TTC23L: variants seen among roughly 807,000 people sequenced by gnomAD.
TTC23L encodes tetratricopeptide repeat domain 23 like.
A neutral mutation model predicts 48.1 loss-of-function variants in TTC23L; 42 were observed. The ratio of observed to expected loss-of-function variants is 0.87; its 90% CI spans 0.68 to 1.13. The LOEUF (loss-of-function observed/expected upper bound fraction) is 1.13, where lower values mean the gene tolerates loss of function less well. TTC23L is among the 50% of genes most tolerant of loss of function. The pLI, the probability that TTC23L is intolerant of heterozygous loss-of-function variation, is 0.00. For synonymous variants in TTC23L, 159 were observed against 157.2 expected, an observed-to-expected ratio of 1.01 and a Z score of -0.09; for missense variants, 391 against 421.0, an observed-to-expected ratio of 0.93 and a Z score of 0.62.
the TTC23L span, chr5:34,915,511 A>C: frequency 4.2e-6 from 2 of 475,780 alleles, no homozygotes; most frequent in Non-Finnish European, 7.3e-6. Context: ...AAGTGAAGCC[A>C]GTCCCGCCAC....
chr5:34,861,388 T>C (rs1331736989), intron 4 of TTC23L: 2 of 166,462 alleles, frequency 1.2e-5, no homozygotes, highest in African/African-American at 4.8e-5. Flanking sequence ...ATTGTACTTT[T>C]GTCTCAGCTC....
the TTC23L span, chr5:34,922,662 C>G: frequency 6.2e-7 from 1 of 1,601,904 alleles, no homozygotes; most frequent in Non-Finnish European, 8.5e-7. Context: ...GCAAAAGTTA[C>G]AACTATTTTT....
the TTC23L span, chr5:34,914,066 T>C: frequency 6.6e-6 from 3 of 454,252 alleles, no homozygotes; most frequent in Admixed American, 2.4e-5. Context: ...TACCTCTCTA[T>C]CCCTGAGATC....
At chr5:34,923,177 G>A in the TTC23L span, 21 of 1,613,920 alleles carry the variant, frequency 1.3e-5, no homozygotes, top group Non-Finnish European at 1.7e-5. Context: ...AACCATTTGT[G>A]GACCACGTGT....
chr5:34,885,661 T>A (rs1762496926), intron 9 of TTC23L, among the ~76,000 whole-genome samples: 3 of 151,712 alleles, frequency 2.0e-5, no homozygotes, highest in Admixed American at 6.6e-5. Context: ...ACGTAGAGGA[T>A]CATTTGAGCC....
the TTC23L span, chr5:34,911,864 G>A: frequency 1.4e-4 from 218 of 1,568,530 alleles, no homozygotes; most frequent in Middle Eastern, 3.4e-4. Flanking sequence ...TCTGGGTTCA[G>A]CTTCTCCTCG....
chr5:34,912,432 T>A, the TTC23L span, among the ~76,000 whole-genome samples: 1 of 152,108 alleles, frequency 6.6e-6, no homozygotes, highest in African/African-American at 2.4e-5. Flanking sequence ...AGAGCCACAG[T>A]GAGGAATGGA....
At chr5:34,851,565 T>A (rs1759676708) in intron 4 of TTC23L, among the ~76,000 whole-genome samples, 1 of 152,174 alleles carries the variant, frequency 6.6e-6, no homozygotes, top group African/African-American at 2.4e-5. Context: ...ACACGTGTTG[T>A]GTTCTGAAAG....
Position 34,857,281 on chromosome 5 carries a change from C to T in TTC23L, c.380-5617C>T, listed in dbSNP as rs146701993. On this transcript the variant is annotated intron_variant, in intron 4 of 10. Coordinates refer to ENST00000505624, the Ensembl canonical transcript of TTC23L. The stretch of plus-strand genomic sequence containing the variant: ...GTGTTCAGGAAGGAAAATATGGTAA[C>T]GTGGACAAGCAGTTTTCTGAAATTC... Among the ~76,000 whole-genome samples the T allele has an allele frequency of 6.7e-3, 1,025 of 152,206 alleles. 11 individuals carry two copies. Among genetic ancestry groups the T allele is most frequent in the African/African-American group, 0.02 (830 of 41,524 alleles).
rs146926007 is a variant in TTC23L at position 34,879,091 on chromosome 5, A to T, written c.950-1090A>T. 3.4e-3 allele frequency among the ~76,000 whole-genome samples: 512 copies of T among 152,358 alleles called. 3 individuals carry two copies. The highest frequency in any genetic ancestry group is 5.6e-3 in the Non-Finnish European group (382 of 68,036). On this transcript the variant is annotated intron_variant, in intron 8 of 10. Coordinates refer to ENST00000505624, the Ensembl canonical transcript of TTC23L. ...CATTATCTTAAGTGAAACAAGCCAGACACAGAAAGTCAAGTATCAAGGTTT... is the reference window on the plus strand; with the variant it reads ...CATTATCTTAAGTGAAACAAGCCAGTCACAGAAAGTCAAGTATCAAGGTTT...
intron 10 of TTC23L, among the ~76,000 whole-genome samples, chr5:34,898,145 T>C (rs1046791411): frequency 3.9e-5 from 6 of 152,342 alleles, no homozygotes; most frequent in African/African-American, 9.6e-5. Flanking sequence ...CCTGGCCCCA[T>C]AGTAATCATG....
chr5:34,851,820 A>G (rs1008522849), intron 4 of TTC23L, among the ~76,000 whole-genome samples: 1 of 152,154 alleles, frequency 6.6e-6, no homozygotes, highest in African/African-American at 2.4e-5. Context: ...GCCTGGTGGC[A>G]CTTGCAGTCA....
At chr5:34,901,653 T>G (rs537934659), downstream of TTC23L, among the ~76,000 whole-genome samples, 180 of 152,252 alleles carry the variant, frequency 1.2e-3, no homozygotes, top group African/African-American at 4.2e-3. Flanking sequence ...TCCCAGCTAC[T>G]CGGGAGGCTG....
intron 3 of TTC23L, 122 bp from the exon 4 acceptor site, chr5:34,850,063 G>A (rs1190829671): frequency 8.8e-7 from 1 of 1,141,160 alleles, no homozygotes; most frequent in African/African-American, 1.5e-5. Flanking sequence ...GACACAGGAT[G>A]AGAAGGAAAG....
chr5:34,894,107 A>G (rs1242173701), intron 9 of TTC23L, among the ~76,000 whole-genome samples: 1 of 152,174 alleles, frequency 6.6e-6, no homozygotes, highest in Non-Finnish European at 1.5e-5. Context: ...TGTTGGGAAA[A>G]GTTAATAGAA....
At chr5:34,922,799 A>C in the TTC23L span, 5 of 1,578,760 alleles carry the variant, frequency 3.2e-6, no homozygotes, top group Non-Finnish European at 4.3e-6. Flanking sequence ...ATGAGGTCTA[A>C]TTTTCTTATC....
chr5:34,922,552 C>T, the TTC23L span: 2 of 1,608,058 alleles, frequency 1.2e-6, no homozygotes, highest in South Asian at 2.2e-5. Context: ...TTCAAATTCA[C>T]CTCACGGACC....
At chr5:34,921,511 A>T in the TTC23L span, 2 of 152,230 alleles carry the variant, frequency 1.3e-5, no homozygotes, top group African/African-American at 4.8e-5. Context: ...GGCTAAGAAG[A>T]TTGATTATGA....
the TTC23L span, chr5:34,923,023 A>G: frequency 6.5e-7 from 1 of 1,541,150 alleles, no homozygotes; most frequent in Non-Finnish European, 9.0e-7. Context: ...TTACCACATT[A>G]TGCTTTGTTA....
Sources: allele counts gnomAD v4.1 joint callset (sites outside exome capture counted in the v4.1 genomes callset), GRCh38; gene constraint gnomAD v4.1.1; transcripts MANE v1.5; gene names NCBI Gene and HGNC (gene_info 2026-07-23, HGNC 2026-07-21).